BTC: variants seen among roughly 807,000 people sequenced by gnomAD.
BTC encodes the protein probetacellulin.
BTC carries 13 observed loss-of-function variants against 18.1 expected under a neutral mutation model. The observed-to-expected ratio is 0.72, with a 90% CI of 0.47 to 1.14. The LOEUF (loss-of-function observed/expected upper bound fraction) is 1.14, where lower values mean the gene tolerates loss of function less well. Ranked by LOEUF, BTC falls within the 50% of genes most tolerant of loss-of-function variation. The probability of loss-of-function intolerance (pLI) is 0.00; values close to 1 mark genes in which losing one functional copy is unlikely to be tolerated. For missense variants in BTC, 247 were observed against 224.2 expected, an observed-to-expected ratio of 1.10 and a Z score of -0.65; for synonymous variants, 83 against 79.4, an observed-to-expected ratio of 1.05 and a Z score of -0.24.
At chr4:74,755,544 A>T (rs941160520) in intron 3 of BTC, among the ~76,000 whole-genome samples, 2 of 152,204 alleles carry the variant, frequency 1.3e-5, no homozygotes, top group African/African-American at 4.8e-5. Flanking sequence ...AGAATAATTC[A>T]TTTCCATTTG....
Position 74,750,679 on chromosome 4 carries a change from C to A in BTC, c.322G>T (p.Asp108Tyr). 1 of 1,613,904 alleles carries A rather than the reference C, an allele frequency of 6.2e-7. No homozygotes were observed. Among genetic ancestry groups the A allele is most frequent in the Non-Finnish European group, 8.5e-7 (1 of 1,179,934 alleles). ...GYIGARCERVDLFYLRGDRGQ... is the reference protein window; with the variant it reads ...GYIGARCERVYLFYLRGDRGQ... ...CTGTCTCCTCTTAGGTAAAACAAGT[C>A]AACTCTCTCACACCTTGCTCCAATG... The change falls in exon 4 of 6, where the codon GAC becomes TAC. Residue 108 changes from aspartate to tyrosine, a missense_variant. Transcript: ENST00000395743.
chr4:74,767,520 G>T (rs1413908222), intron 2 of BTC, among the ~76,000 whole-genome samples: 1 of 151,706 alleles, frequency 6.6e-6, no homozygotes, highest in South Asian at 2.1e-4. Context: ...GTGATCTACA[G>T]ACTGACTATC....
chr4:74,776,977 A>T (rs1405497806), intron 1 of BTC, among the ~76,000 whole-genome samples: 1 of 152,182 alleles, frequency 6.6e-6, no homozygotes, highest in South Asian at 2.1e-4. Context: ...TCATTAGAAA[A>T]TCCAGCTTTA....
chr4:74,755,871 G>A lies in BTC; in HGVS notation c.269C>T (p.Thr90Met), dbSNP rs141442985. ...ACACTCCACTTACACACAGGAGGGC[G>A]TCTGCTCGGCCACCACGAAGCGGCA... is the stretch of plus-strand genomic sequence containing the variant. ...GRCRFVVAEQ[T>M]PSCVCDEGYI... Residue 90 changes from threonine to methionine, a missense_variant, in exon 3 of 6, where the codon ACG becomes ATG. By Grantham distance (81) the Thr-to-Met change is moderately conservative. Coordinates refer to ENST00000395743, the MANE Select transcript of BTC (RefSeq NM_001729.4). The A allele has an allele frequency of 1.3e-4, 205 of 1,613,938 alleles. No homozygotes were observed. Among genetic ancestry groups the A allele is most frequent in the Admixed American group, 2.3e-4 (14 of 59,994 alleles).
intron 2 of BTC, among the ~76,000 whole-genome samples, chr4:74,757,083 G>A (rs1377565413): frequency 6.6e-6 from 1 of 152,184 alleles, no homozygotes; most frequent in Non-Finnish European, 1.5e-5. Context: ...GGATCCAGAT[G>A]CCTGTGGAGC....
intron 1 of BTC, among the ~76,000 whole-genome samples, chr4:74,772,003 C>A (rs947776034): frequency 2.0e-5 from 3 of 152,104 alleles, no homozygotes; most frequent in African/African-American, 7.2e-5. Context: ...ATGAATAGAA[C>A]ATCTTGTGTT....
At chr4:74,755,781 C>T in intron 3 of BTC, 78 bp downstream of exon 3, 1 of 1,351,680 alleles carries the variant, frequency 7.4e-7, no homozygotes, top group South Asian at 1.2e-5. Flanking sequence ...GGTTAGCTCA[C>T]ACTTTCCAGT....
intron 4 of BTC, among the ~76,000 whole-genome samples, chr4:74,748,740 G>A (rs1050577751): frequency 7.2e-5 from 11 of 152,156 alleles, no homozygotes; most frequent in Non-Finnish European, 1.0e-4. Context: ...TAGTGTACAC[G>A]TAGTGTAAAA....
intron 2 of BTC, among the ~76,000 whole-genome samples, chr4:74,758,937 A>G (rs2109887509): frequency 6.6e-6 from 1 of 152,232 alleles, no homozygotes; most frequent in Middle Eastern, 3.4e-3. Context: ...ACTGCCACAC[A>G]TGCACATAAA....
chr4:74,770,177 C>A, intron 1 of BTC, 21 bp from the exon 2 acceptor site: 1 of 1,562,006 alleles, frequency 6.4e-7, no homozygotes, highest in South Asian at 1.2e-5. Context: ...AAAACAGAAC[C>A]AAAATCAAAC....
chr4:74,782,008 G>C (rs1438467815), intron 1 of BTC, among the ~76,000 whole-genome samples: 1 of 152,022 alleles, frequency 6.6e-6, no homozygotes, highest in Non-Finnish European at 1.5e-5. Flanking sequence ...ATCAATATTT[G>C]ATCAAACATT....
At chr4:74,760,272 G>T (rs1724717718) in intron 2 of BTC, among the ~76,000 whole-genome samples, 1 of 152,144 alleles carries the variant, frequency 6.6e-6, no homozygotes, top group Admixed American at 6.5e-5. Context: ...AAAGGGAAAG[G>T]CTAAACTTTG....
chr4:74,784,417 C>G (rs903468966), intron 1 of BTC, among the ~76,000 whole-genome samples: 1 of 151,978 alleles, frequency 6.6e-6, no homozygotes, highest in African/African-American at 2.4e-5. Context: ...TACTTACATA[C>G]TCTTTATTTC....
At chr4:74,756,099 T>G (rs1724590687) in intron 2 of BTC, 123 bp from the exon 3 acceptor site, 1 of 937,396 alleles carries the variant, frequency 1.1e-6, no homozygotes, top group Admixed American at 1.9e-5. Context: ...CATTTTTCTT[T>G]CTCTCTGCAC....
intron 2 of BTC, among the ~76,000 whole-genome samples, chr4:74,769,350 A>AAGGATCAG (rs1238526037): frequency 6.6e-6 from 1 of 152,194 alleles, no homozygotes; most frequent in East Asian, 1.9e-4. Context: ...ACTGTAGTCC[A>AAGGATCAG]AGGATCAGAT....
chr4:74,789,663 T>G (rs1264173244), intron 1 of BTC, among the ~76,000 whole-genome samples: 1 of 152,186 alleles, frequency 6.6e-6, no homozygotes, highest in East Asian at 1.9e-4. Context: ...TATTTTGTCC[T>G]AAGAAAACTT....
intron 3 of BTC, among the ~76,000 whole-genome samples, chr4:74,753,239 G>T (rs782341942): frequency 6.6e-6 from 1 of 152,130 alleles, no homozygotes; most frequent in Non-Finnish European, 1.5e-5. Flanking sequence ...AAAATTGGGC[G>T]TTGGGATCAC....
chr4:74,785,571 C>G (rs970524081), intron 1 of BTC, among the ~76,000 whole-genome samples: 8 of 152,138 alleles, frequency 5.3e-5, no homozygotes, highest in Non-Finnish European at 1.2e-4. Context: ...ACATTCTAAG[C>G]AGACGAATAG....
At chr4:74,781,750 A>G (rs1725338416) in intron 1 of BTC, among the ~76,000 whole-genome samples, 1 of 151,456 alleles carries the variant, frequency 6.6e-6, no homozygotes, top group African/African-American at 2.4e-5. Flanking sequence ...TATTATCCTA[A>G]CCTTTTTTAA....
Sources: allele counts gnomAD v4.1 joint callset (sites outside exome capture counted in the v4.1 genomes callset), GRCh38; gene constraint gnomAD v4.1.1; transcripts MANE v1.5; gene names NCBI Gene and HGNC (gene_info 2026-07-23, HGNC 2026-07-21).